Variants in MAF observed in about 807,000 individuals in gnomAD.
MAF encodes the protein MAF bZIP transcription factor.
In MAF, 10 loss-of-function variants were observed where a neutral mutation model predicts 22.0. The ratio of observed to expected loss-of-function variants is 0.45; its 90% CI spans 0.28 to 0.77. MAF has a LOEUF of 0.77. MAF is among the 30% of genes least tolerant of loss of function. The probability of loss-of-function intolerance (pLI) is 0.12; values close to 1 mark genes in which losing one functional copy is unlikely to be tolerated. For missense variants in MAF, 544 were observed against 548.4 expected, an observed-to-expected ratio of 0.99 and a Z score of 0.08; for synonymous variants, 337 against 255.8, an observed-to-expected ratio of 1.32 and a Z score of -3.03.
At chr16:79,467,602 G>T in the MAF span, among the ~76,000 whole-genome samples, 1 of 152,254 alleles carries the variant, frequency 6.6e-6, no homozygotes, top group African/African-American at 2.4e-5. Context: ...TCTCAGAATG[G>T]GGTCCCTGAG....
At chr16:79,560,923 T>TA in the MAF span, among the ~76,000 whole-genome samples, 1 of 152,246 alleles carries the variant, frequency 6.6e-6, no homozygotes, top group Non-Finnish European at 1.5e-5. Context: ...AACAGCCATG[T>TA]AGGTCTTTTT....
the MAF span, among the ~76,000 whole-genome samples, chr16:79,421,167 C>G: frequency 6.6e-6 from 1 of 152,124 alleles, no homozygotes; most frequent in South Asian, 2.1e-4. Context: ...TAAGTATGTA[C>G]GTACAAGAGA....
At chr16:79,557,455 C>G in the MAF span, among the ~76,000 whole-genome samples, 1 of 151,966 alleles carries the variant, frequency 6.6e-6, no homozygotes, top group Non-Finnish European at 1.5e-5. Context: ...TAGAGTCAGC[C>G]CAAATGCAGA....
At chr16:79,535,077 C>A in the MAF span, among the ~76,000 whole-genome samples, 16 of 152,084 alleles carry the variant, frequency 1.1e-4, no homozygotes. Context: ...TTACTTAGGA[C>A]AAAGTCAATT....
chr16:79,228,715 T>G, the MAF span, among the ~76,000 whole-genome samples: 9 of 152,134 alleles, frequency 5.9e-5, no homozygotes, highest in Non-Finnish European at 1.0e-4. Flanking sequence ...AATTCAGATG[T>G]TTCTCCTCTG....
At chr16:79,528,588 C>G in the MAF span, among the ~76,000 whole-genome samples, 1 of 151,602 alleles carries the variant, frequency 6.6e-6, no homozygotes. Flanking sequence ...ACAACCATAT[C>G]TCAAATAACC....
chr16:79,388,171 T>C, the MAF span, among the ~76,000 whole-genome samples: 2 of 151,206 alleles, frequency 1.3e-5, no homozygotes, highest in South Asian at 2.1e-4. Context: ...AATAAATAAA[T>C]GCACAGTTAT....
At chr16:79,372,623 G>C in the MAF span, among the ~76,000 whole-genome samples, 1 of 152,330 alleles carries the variant, frequency 6.6e-6, no homozygotes, top group East Asian at 1.9e-4. Flanking sequence ...AACGAGGCAG[G>C]CTGCGGTCTG....
the MAF span, chr16:79,212,033 G>C: frequency 0.068 from 104,588 of 1,536,218 alleles, 4,268 homozygotes; most frequent in East Asian, 0.22. Flanking sequence ...CTTTCTGGTG[G>C]TGGCCTGTTT....
At chr16:79,281,515 A>G in the MAF span, among the ~76,000 whole-genome samples, 2 of 151,500 alleles carry the variant, frequency 1.3e-5, no homozygotes, top group Non-Finnish European at 1.5e-5. Flanking sequence ...ATCCCATCTC[A>G]AGCACCTTGA....
At chr16:79,262,287 T>C in the MAF span, among the ~76,000 whole-genome samples, 2 of 152,162 alleles carry the variant, frequency 1.3e-5, no homozygotes, top group Non-Finnish European at 2.9e-5. Flanking sequence ...CTGGGCTCTT[T>C]CGAATTCTAA....
the MAF span, among the ~76,000 whole-genome samples, chr16:79,404,064 C>T: frequency 6.6e-6 from 1 of 152,076 alleles, no homozygotes; most frequent in Non-Finnish European, 1.5e-5. Flanking sequence ...CCCTGTGAAA[C>T]ACTTTCCACC....
the MAF span, among the ~76,000 whole-genome samples, chr16:79,378,244 T>G: frequency 2.0e-5 from 3 of 152,126 alleles, no homozygotes; most frequent in African/African-American, 7.2e-5. Context: ...GAAAAGTCCA[T>G]CAAGCGTACA....
At chr16:79,282,898 AT>A in the MAF span, among the ~76,000 whole-genome samples, 1 of 152,136 alleles carries the variant, frequency 6.6e-6, no homozygotes, top group East Asian at 1.9e-4. Flanking sequence ...AAAGGGTCCT[AT>A]TTGCTTATGA....
chr16:79,312,169 A>G, the MAF span, among the ~76,000 whole-genome samples: 13 of 152,194 alleles, frequency 8.5e-5, no homozygotes, highest in East Asian at 1.9e-3. Flanking sequence ...CACTTTTTAT[A>G]CAAATTTAAA....
At chr16:79,543,567 T>A in the MAF span, among the ~76,000 whole-genome samples, 2 of 152,334 alleles carry the variant, frequency 1.3e-5, no homozygotes, top group East Asian at 3.8e-4. Context: ...TCCTTTCCTT[T>A]GTCTCAATGC....
the MAF span, among the ~76,000 whole-genome samples, chr16:79,274,813 T>TC: frequency 6.6e-6 from 1 of 152,170 alleles, no homozygotes; most frequent in Non-Finnish European, 1.5e-5. Context: ...GTGAGGGGCT[T>TC]CATTTTGATT....
At chr16:79,581,744 T>G (rs988051424), downstream of MAF, among the ~76,000 whole-genome samples, 11 of 152,160 alleles carry the variant, frequency 7.2e-5, no homozygotes, top group African/African-American at 2.7e-4. Flanking sequence ...TGCCTTCACC[T>G]CTCTTTTTGG....
At chr16:79,242,250 G>C in the MAF span, among the ~76,000 whole-genome samples, 1 of 151,652 alleles carries the variant, frequency 6.6e-6, no homozygotes, top group Admixed American at 6.6e-5. Context: ...CTGGCAAATT[G>C]GATAAAGAGT....
Sources: allele counts gnomAD v4.1 joint callset (sites outside exome capture counted in the v4.1 genomes callset), GRCh38; gene constraint gnomAD v4.1.1; transcripts MANE v1.5; gene names NCBI Gene and HGNC (gene_info 2026-07-23, HGNC 2026-07-21).